Variants in UBE2D1 observed in about 807,000 individuals in gnomAD.
UBE2D1 encodes the protein ubiquitin-conjugating enzyme E2 D1.
UBE2D1 carries 9 observed loss-of-function variants against 24.6 expected under a neutral mutation model. The observed-to-expected ratio is 0.37, with a 90% confidence interval of 0.22 to 0.64. The LOEUF is 0.64. Among genes scored for constraint, UBE2D1 ranks in the 30% least tolerant of loss-of-function variants. The pLI, the probability that UBE2D1 is intolerant of heterozygous loss-of-function variation, is 0.64. For synonymous variants in UBE2D1, 57 were observed against 57.6 expected (o/e 0.99, Z 0.04); for missense variants, 87 against 177.1 (o/e 0.49, Z 2.89).
chr10:58,346,559 G>A (rs1284625681), intron 1 of UBE2D1, among the ~76,000 whole-genome samples: 1 of 152,162 alleles, frequency 6.6e-6, no homozygotes, highest in Non-Finnish European at 1.5e-5. Flanking sequence ...GGGAGGGGAG[G>A]TGATTAAGTA....
At position 58,354,590 on chromosome 10, in the gene UBE2D1, C is replaced by A. The variant is rs148597840; in HGVS notation, c.25-6748C>A. 2.7e-3 allele frequency among the ~76,000 whole-genome samples: 408 copies of A among 152,214 alleles called. 1 individual carries two copies. The highest frequency in any genetic ancestry group is 9.3e-3 in the African/African-American group (386 of 41,540). On this transcript the variant is annotated intron_variant, in intron 1 of 6. Transcript: ENST00000373910. ...ATTTGGCCGGGCTCAGTGGCTTACACCTGTAATCCCAGCACTTTGGGAAGC... is the reference window on the plus strand; with the variant it reads ...ATTTGGCCGGGCTCAGTGGCTTACAACTGTAATCCCAGCACTTTGGGAAGC...
intron 1 of UBE2D1, among the ~76,000 whole-genome samples, chr10:58,339,213 C>G (rs1274529918): frequency 2.0e-5 from 3 of 152,138 alleles, no homozygotes; most frequent in African/African-American, 7.2e-5. Flanking sequence ...TCAAGTGACC[C>G]TCCCACCTCA....
intron 1 of UBE2D1, among the ~76,000 whole-genome samples, chr10:58,337,774 A>G (rs184239718): frequency 5.9e-4 from 90 of 152,182 alleles, no homozygotes; most frequent in African/African-American, 1.9e-3. Context: ...ACTGAGGACC[A>G]CTGATGTTCT....
intron 5 of UBE2D1, among the ~76,000 whole-genome samples, chr10:58,366,831 C>T (rs1017500519): frequency 2.0e-5 from 3 of 152,084 alleles, no homozygotes; most frequent in South Asian, 2.1e-4. Flanking sequence ...ATTCTTCCAC[C>T]TCAGCCTCCC....
intron 4 of UBE2D1, among the ~76,000 whole-genome samples, chr10:58,364,291 T>A (rs1048333361): frequency 1.1e-4 from 17 of 152,196 alleles, no homozygotes; most frequent in African/African-American, 4.1e-4. Flanking sequence ...TATGAAATGG[T>A]ATGACAACTC....
At chr10:58,343,608 A>G (rs73286384) in intron 1 of UBE2D1, among the ~76,000 whole-genome samples, 3,435 of 152,334 alleles carry the variant, frequency 0.023, 149 homozygotes, top group African/African-American at 0.079. Flanking sequence ...ATATTGATAC[A>G]CATATACACA....
At chr10:58,344,242 C>T (rs2132316846) in intron 1 of UBE2D1, among the ~76,000 whole-genome samples, 1 of 152,258 alleles carries the variant, frequency 6.6e-6, no homozygotes, top group South Asian at 2.1e-4. Flanking sequence ...TAATACAGTA[C>T]TGGAGCATTG....
At position 58,360,965 on chromosome 10, in the gene UBE2D1, C is replaced by G. The variant is rs1398295086; in HGVS notation, c.25-373C>G. On this transcript the variant is annotated intron_variant, in intron 1 of 6. Transcript: ENST00000373910. ...ATCCTGAAGTATTATTCTTTCTGAG[C>G]CTTCATGCTCCCTCAATAGATTGTA... is the stretch of plus-strand genomic sequence containing the variant. 8.7e-6 allele frequency: 4 copies of G among 461,994 alleles called. No homozygotes were observed. In the East Asian group the frequency reaches 2.6e-4, roughly 30 times the overall value. 28.6% of individuals were successfully genotyped at this position (461,994 alleles called of 1,614,324 possible).
chr10:58,346,231 C>T (rs1002482086), intron 1 of UBE2D1, among the ~76,000 whole-genome samples: 5 of 151,948 alleles, frequency 3.3e-5, no homozygotes, highest in African/African-American at 9.7e-5. Flanking sequence ...AGGCTGGTCT[C>T]GAACCCCTGA....
At chr10:58,368,576 C>A in intron 6 of UBE2D1, 144 bp from the exon 7 acceptor site, 1 of 430,770 alleles carries the variant, frequency 2.3e-6, no homozygotes. Context: ...CTGCATGAAC[C>A]TAAGTCACAT....
intron 1 of UBE2D1, among the ~76,000 whole-genome samples, chr10:58,337,168 G>T (rs1839912364): frequency 6.6e-6 from 1 of 152,026 alleles, no homozygotes; most frequent in Non-Finnish European, 1.5e-5. Context: ...ACATAGAATT[G>T]ATATCAAACA....
intron 3 of UBE2D1, 61 bp from the exon 4 acceptor site, chr10:58,363,548 A>AT (rs1840223531): frequency 8.2e-7 from 1 of 1,225,020 alleles, no homozygotes; most frequent in Admixed American, 2.3e-5. Context: ...GGGGGAAATA[A>AT]TTTTGTTGTT....
chr10:58,359,944 C>T (rs757050365), intron 1 of UBE2D1, among the ~76,000 whole-genome samples: 1 of 152,128 alleles, frequency 6.6e-6, no homozygotes, highest in African/African-American at 2.4e-5. Flanking sequence ...CCAATCTAAG[C>T]CCCCATTTTT....
chr10:58,363,870 G>A (rs188182069), intron 4 of UBE2D1, among the ~76,000 whole-genome samples, 184 bp downstream of exon 4: 60 of 152,166 alleles, frequency 3.9e-4, no homozygotes, highest in Non-Finnish European at 7.4e-4. Flanking sequence ...ACTGTATTAA[G>A]TCTATAAAAC....
At chr10:58,350,899 C>G (rs986431215) in intron 1 of UBE2D1, among the ~76,000 whole-genome samples, 2 of 152,158 alleles carry the variant, frequency 1.3e-5, no homozygotes, top group African/African-American at 4.8e-5. Flanking sequence ...TAGTCTGTTG[C>G]TCCTAGGCTA....
chr10:58,344,497 T>G (rs1839994963), intron 1 of UBE2D1, among the ~76,000 whole-genome samples: 1 of 152,104 alleles, frequency 6.6e-6, no homozygotes, highest in Non-Finnish European at 1.5e-5. Flanking sequence ...CTAAATAATG[T>G]ATTTGCTGTT....
intron 1 of UBE2D1, among the ~76,000 whole-genome samples, chr10:58,358,085 G>A (rs989926964): frequency 6.6e-6 from 1 of 151,978 alleles, no homozygotes; most frequent in African/African-American, 2.4e-5. Context: ...AGCCTGACAT[G>A]TGAAATTTGA....
At chr10:58,344,981 C>G (rs1588997597) in intron 1 of UBE2D1, among the ~76,000 whole-genome samples, 1 of 151,904 alleles carries the variant, frequency 6.6e-6, no homozygotes, top group East Asian at 1.9e-4. Flanking sequence ...TCTCATGTCT[C>G]AGCCCCCTGA....
chr10:58,368,140 T>G, intron 6 of UBE2D1, 124 bp downstream of exon 6: 2 of 671,500 alleles, frequency 3.0e-6, no homozygotes, highest in Admixed American at 5.7e-5. Flanking sequence ...TTGTTTATCT[T>G]TTTCCAATGG....
Sources: allele counts gnomAD v4.1 joint callset (sites outside exome capture counted in the v4.1 genomes callset), GRCh38; gene constraint gnomAD v4.1.1; transcripts MANE v1.5; gene names NCBI Gene and HGNC (gene_info 2026-07-23, HGNC 2026-07-21).